Variants in DHX32 observed in about 807,000 individuals in gnomAD.
The protein encoded by DHX32 is DEAH-box helicase 32 (putative).
Under a neutral mutation model 70.0 loss-of-function variants are expected in DHX32, and 51 were observed. The ratio of observed to expected loss-of-function variants is 0.73; its 90% CI spans 0.58 to 0.92. DHX32 has a LOEUF of 0.92. Among genes scored for constraint, DHX32 ranks in the 40% least tolerant of loss-of-function variants. The pLI, the probability that DHX32 is intolerant of heterozygous loss-of-function variation, is 0.00. For synonymous variants in DHX32, 310 were observed against 315.3 expected (o/e 0.98, Z 0.18); for missense variants, 762 against 891.8 (o/e 0.85, Z 1.85).
chr10:125,868,777 A>G (rs1022963045), intron 1 of DHX32, among the ~76,000 whole-genome samples: 4 of 152,182 alleles, frequency 2.6e-5, no homozygotes, highest in African/African-American at 9.7e-5. Flanking sequence ...TACCTGTAAA[A>G]TGAATAGACT....
At chr10:125,867,684 A>T (rs1005310213) in intron 1 of DHX32, among the ~76,000 whole-genome samples, 3 of 150,528 alleles carry the variant, frequency 2.0e-5, no homozygotes, top group African/African-American at 4.9e-5. Flanking sequence ...TGCAGTGAGC[A>T]GAGATTGTGC....
At chr10:125,844,963 TCTGTG>T (rs1322009339) in intron 6 of DHX32, among the ~76,000 whole-genome samples, 1 of 152,240 alleles carries the variant, frequency 6.6e-6, no homozygotes, top group African/African-American at 2.4e-5. Flanking sequence ...TCTTCACTGT[TCTGTG>T]TGCCTGTTTT....
At chr10:125,836,876 G>A in intron 10 of DHX32, 21 bp from the exon 11 acceptor site, 1 of 1,611,052 alleles carries the variant, frequency 6.2e-7, no homozygotes. Flanking sequence ...AAGACAAAAA[G>A]ATGAGATTAT....
At chr10:125,839,819 A>G (rs1343832523) in intron 8 of DHX32, among the ~76,000 whole-genome samples, 3 of 152,148 alleles carry the variant, frequency 2.0e-5, no homozygotes, top group Non-Finnish European at 2.9e-5. Context: ...GGGAATGTAC[A>G]TGGCCATGGC....
At chr10:125,888,200 G>GC (rs1944350317) in intron 1 of DHX32, among the ~76,000 whole-genome samples, 1 of 144,960 alleles carries the variant, frequency 6.9e-6, no homozygotes, top group African/African-American at 2.7e-5. Flanking sequence ...TTTGAGCAAT[G>GC]CATTTTTTTT....
intron 6 of DHX32, among the ~76,000 whole-genome samples, chr10:125,843,365 C>A (rs1055803418): frequency 6.6e-6 from 1 of 152,164 alleles, no homozygotes; most frequent in Non-Finnish European, 1.5e-5. Flanking sequence ...AAAAACCTCA[C>A]TTTGGGAGGC....
At chr10:125,859,569 T>G (rs1159144827) in intron 3 of DHX32, 34 bp downstream of exon 3, 3 of 1,526,342 alleles carry the variant, frequency 2.0e-6, no homozygotes, top group East Asian at 4.5e-5. Flanking sequence ...ATGAAATACC[T>G]TATTACTGTA....
intron 1 of DHX32, among the ~76,000 whole-genome samples, chr10:125,887,889 C>T (rs1944348815): frequency 6.6e-6 from 1 of 152,160 alleles, no homozygotes; most frequent in Admixed American, 6.5e-5. Flanking sequence ...TGATTATGAG[C>T]AGGTGCACCA....
At chr10:125,870,087 A>G (rs190315972) in intron 1 of DHX32, among the ~76,000 whole-genome samples, 43 of 152,332 alleles carry the variant, frequency 2.8e-4, no homozygotes, top group African/African-American at 1.0e-3. Context: ...AAAATAAAAT[A>G]AATGAATGAA....
At chr10:125,877,954 A>C (rs1481870506) in intron 1 of DHX32, among the ~76,000 whole-genome samples, 1 of 152,220 alleles carries the variant, frequency 6.6e-6, no homozygotes, top group Non-Finnish European at 1.5e-5. Context: ...ACTTCTTATT[A>C]TTCACACTAT....
At chr10:125,871,220 A>G (rs923204748) in intron 1 of DHX32, among the ~76,000 whole-genome samples, 1 of 152,230 alleles carries the variant, frequency 6.6e-6, no homozygotes, top group Non-Finnish European at 1.5e-5. Flanking sequence ...AGTACAACAA[A>G]TATACCAATC....
At chr10:125,892,747 T>C (rs1430722852) in intron 1 of DHX32, among the ~76,000 whole-genome samples, 48 of 152,420 alleles carry the variant, frequency 3.1e-4, no homozygotes, top group Non-Finnish European at 6.0e-4. Flanking sequence ...AAAAAGTTCA[T>C]TACGACATAC....
At chr10:125,884,767 A>G (rs749917799), upstream of DHX32, among the ~76,000 whole-genome samples, 7 of 152,028 alleles carry the variant, frequency 4.6e-5, no homozygotes, top group Non-Finnish European at 8.8e-5. Flanking sequence ...ATGTTTCACC[A>G]TTCAGTGCTC....
chr10:125,844,090 T>TG (rs1854949567), intron 6 of DHX32, among the ~76,000 whole-genome samples: 1 of 152,194 alleles, frequency 6.6e-6, no homozygotes, highest in African/African-American at 2.4e-5. Flanking sequence ...GGACTAACCA[T>TG]GACCTTGAGA....
chr10:125,846,456 A>T (rs758012404), intron 6 of DHX32, among the ~76,000 whole-genome samples: 8 of 152,214 alleles, frequency 5.3e-5, no homozygotes, highest in Non-Finnish European at 1.0e-4. Context: ...CATAAGGGTG[A>T]GGCTCAAATT....
At chr10:125,863,731 G>A (rs548896270) in intron 2 of DHX32, among the ~76,000 whole-genome samples, 21 of 152,278 alleles carry the variant, frequency 1.4e-4, no homozygotes, top group Non-Finnish European at 1.0e-4. Flanking sequence ...TTACAGGCGT[G>A]AGCCACCGTG....
intron 9 of DHX32, among the ~76,000 whole-genome samples, chr10:125,838,603 C>T (rs1170246319): frequency 6.6e-6 from 1 of 152,154 alleles, no homozygotes; most frequent in East Asian, 1.9e-4. Flanking sequence ...TCAGCAACAG[C>T]AGGGCACTGC....
intron 1 of DHX32, among the ~76,000 whole-genome samples, chr10:125,888,462 C>A (rs569018010): frequency 2.0e-5 from 3 of 152,124 alleles, no homozygotes; most frequent in African/African-American, 7.2e-5. Flanking sequence ...CTCATTTTAA[C>A]CAAAACTTTA....
At chr10:125,892,687 T>A (rs1238733132) in intron 1 of DHX32, among the ~76,000 whole-genome samples, 1 of 152,326 alleles carries the variant, frequency 6.6e-6, no homozygotes, top group Admixed American at 6.5e-5. Context: ...ATTGTGAATG[T>A]GGAATCAATG....
Sources: allele counts gnomAD v4.1 joint callset (sites outside exome capture counted in the v4.1 genomes callset), GRCh38; gene constraint gnomAD v4.1.1; transcripts MANE v1.5; gene names NCBI Gene and HGNC (gene_info 2026-07-23, HGNC 2026-07-21).